The following SLC16A9 variants were observed in gnomAD, a reference collection of about 807,000 sequenced individuals.
SLC16A9 encodes solute carrier family 16 member 9.
Under a neutral mutation model 44.3 loss-of-function variants are expected in SLC16A9, and 26 were observed. The observed-to-expected ratio is 0.59, with a 90% CI of 0.43 to 0.81. The LOEUF (loss-of-function observed/expected upper bound fraction) is 0.81, where lower values mean the gene tolerates loss of function less well. SLC16A9 is among the 40% of genes least tolerant of loss of function. The probability of loss-of-function intolerance (pLI) is 0.00; values close to 1 mark genes in which losing one functional copy is unlikely to be tolerated. For missense variants in SLC16A9, 559 were observed against 595.8 expected (o/e 0.94, Z 0.64); for synonymous variants, 230 against 225.1 (o/e 1.02, Z -0.19).
intron 4 of SLC16A9, among the ~76,000 whole-genome samples, chr10:59,655,676 TG>T (rs1324522926): frequency 2.0e-5 from 3 of 152,204 alleles, no homozygotes; most frequent in Non-Finnish European, 2.9e-5. Context: ...CCTAATCAAT[TG>T]GTACTGTTCT....
At chr10:59,708,035 A>G (rs1840683630) in intron 1 of SLC16A9, among the ~76,000 whole-genome samples, 1 of 152,224 alleles carries the variant, frequency 6.6e-6, no homozygotes, top group Non-Finnish European at 1.5e-5. Context: ...GGAAGAAACC[A>G]GTAGGGATGT....
chr10:59,689,340 C>T (rs1252339716), intron 1 of SLC16A9, among the ~76,000 whole-genome samples: 1 of 152,156 alleles, frequency 6.6e-6, no homozygotes, highest in Non-Finnish European at 1.5e-5. Context: ...GCCTTCATTT[C>T]TCCTTTTTTG....
intron 3 of SLC16A9, among the ~76,000 whole-genome samples, chr10:59,671,871 T>C (rs890433513): frequency 1.3e-5 from 2 of 152,226 alleles, no homozygotes; most frequent in Admixed American, 6.6e-5. Context: ...TAAAATGGGT[T>C]CTTGTGAAGA....
At chr10:59,696,134 C>T (rs1481121602) in intron 1 of SLC16A9, among the ~76,000 whole-genome samples, 3 of 152,152 alleles carry the variant, frequency 2.0e-5, no homozygotes, top group East Asian at 1.9e-4. Context: ...TCTCTTGCCA[C>T]GGTCTCCCTC....
At chr10:59,698,382 G>C (rs1008114808) in intron 1 of SLC16A9, among the ~76,000 whole-genome samples, 2 of 152,172 alleles carry the variant, frequency 1.3e-5, no homozygotes, top group South Asian at 2.1e-4. Flanking sequence ...CCCACTGGTG[G>C]TGGCAATGCT....
intron 1 of SLC16A9, among the ~76,000 whole-genome samples, chr10:59,687,777 A>G (rs547179611): frequency 4.7e-4 from 71 of 152,288 alleles, no homozygotes; most frequent in African/African-American, 1.6e-3. Context: ...CCTGGGCAAC[A>G]TAGTGAAACT....
chr10:59,664,650 A>G (rs1445487700), intron 3 of SLC16A9, among the ~76,000 whole-genome samples: 1 of 152,218 alleles, frequency 6.6e-6, no homozygotes, highest in East Asian at 1.9e-4. Context: ...AGCAAATTTG[A>G]TCAAGTTTGC....
intron 1 of SLC16A9, among the ~76,000 whole-genome samples, chr10:59,697,435 C>T (rs886698095): frequency 3.3e-5 from 5 of 151,612 alleles, no homozygotes; most frequent in Admixed American, 6.6e-5. Flanking sequence ...GACCTTACCC[C>T]CAACCCTGTG....
chr10:59,666,024 G>A (rs899581055), intron 3 of SLC16A9, among the ~76,000 whole-genome samples: 4 of 151,994 alleles, frequency 2.6e-5, no homozygotes, highest in African/African-American at 4.8e-5. Flanking sequence ...GGCCAGGCAC[G>A]GTGGCTCATG....
chr10:59,707,995 C>T (rs911103771), intron 1 of SLC16A9, among the ~76,000 whole-genome samples: 6 of 152,144 alleles, frequency 3.9e-5, no homozygotes, highest in Admixed American at 3.9e-4. Context: ...ATGAAGGATA[C>T]CTGTTATTCC....
intron 4 of SLC16A9, among the ~76,000 whole-genome samples, chr10:59,660,688 G>T (rs570697358): frequency 6.6e-6 from 1 of 152,232 alleles, no homozygotes; most frequent in East Asian, 1.9e-4. Flanking sequence ...AAACCTGGCA[G>T]AAACAAAACA....
intron 1 of SLC16A9, among the ~76,000 whole-genome samples, chr10:59,694,902 A>T (rs1274164603): frequency 2.0e-5 from 3 of 150,190 alleles, no homozygotes; most frequent in African/African-American, 7.3e-5. Context: ...TAGATAATGG[A>T]TCCAAATGCC....
rs185137637 is a variant in SLC16A9, at chr10:59,695,764, G to C, written c.-36-11437C>G. Among the ~76,000 whole-genome samples the C allele has an allele frequency of 2.0e-4, 31 of 152,336 alleles. No individual in the cohort carries two copies. The East Asian group carries it at 5.4e-3, about 27-fold the overall frequency. On this transcript the variant is annotated intron_variant, in intron 1 of 5. Transcript: ENST00000395348. ...GCAGGAATGCCTAAATAGCCTGAAA[G>C]AGGAATCTGAACAATGAGAAAAAAA...
In SLC16A9 at chr10:59,652,690, C is replaced by T; in HGVS notation, c.*82G>A. 1.5e-6 allele frequency: 2 copies of T among 1,309,460 alleles called. No individual in the cohort carries two copies. The allele number at this position is 1,309,460 out of a possible 1,614,324, so 81.1% of individuals were successfully genotyped here. ...TTGCTATGAGAAAATAGTCTTGACTCTAGAAAATTTGCTTGAGAATCTGTT... is the reference window on the plus strand; with the variant it reads ...TTGCTATGAGAAAATAGTCTTGACTTTAGAAAATTTGCTTGAGAATCTGTT... On this transcript the variant is annotated 3_prime_UTR_variant, in exon 6 of 6. Transcript: ENST00000395348.
At chr10:59,687,631 T>C (rs1840162029) in intron 1 of SLC16A9, among the ~76,000 whole-genome samples, 1 of 152,352 alleles carries the variant, frequency 6.6e-6, no homozygotes, top group East Asian at 1.9e-4. Context: ...ATTTTTGTTT[T>C]TGATTTCTAC....
intron 4 of SLC16A9, among the ~76,000 whole-genome samples, chr10:59,658,371 C>T (rs1345538869): frequency 6.6e-6 from 1 of 151,960 alleles, no homozygotes; most frequent in Non-Finnish European, 1.5e-5. Context: ...ATTTGTTACT[C>T]ATAAAAATTC....
intron 1 of SLC16A9, among the ~76,000 whole-genome samples, chr10:59,705,437 T>C (rs1840616427): frequency 6.6e-6 from 1 of 152,134 alleles, no homozygotes; most frequent in Admixed American, 6.6e-5. Flanking sequence ...CTTGTAAAAA[T>C]TCTCAGTCTA....
At chr10:59,694,755 G>A (rs770769561) in intron 1 of SLC16A9, among the ~76,000 whole-genome samples, 7 of 143,454 alleles carry the variant, frequency 4.9e-5, no homozygotes, top group Admixed American at 2.2e-4. Flanking sequence ...ACCTGAGATC[G>A]TGCTACTGCG....
chr10:59,704,400 T>C (rs975876095), intron 1 of SLC16A9, among the ~76,000 whole-genome samples: 3 of 152,158 alleles, frequency 2.0e-5, no homozygotes, highest in African/African-American at 7.2e-5. Context: ...AATCTACCCA[T>C]GAGGAAACTG....
Sources: gnomAD v4.1 joint callset for allele counts (sites outside exome capture counted in the v4.1 genomes callset) on GRCh38, gnomAD v4.1.1 for gene constraint, MANE v1.5 for transcripts, NCBI Gene and HGNC (gene_info 2026-07-23, HGNC 2026-07-21) for gene names.